PTPRD: variants seen among roughly 807,000 people sequenced by gnomAD.
PTPRD encodes protein tyrosine phosphatase receptor type D.
In PTPRD, 34 loss-of-function variants were observed where a neutral mutation model predicts 214.5. The ratio of observed to expected loss-of-function variants is 0.16; its 90% CI spans 0.12 to 0.21. The LOEUF is 0.21. Ranked by LOEUF, PTPRD falls within the 10% of genes least tolerant of loss-of-function variation. The pLI, the probability that PTPRD is intolerant of heterozygous loss-of-function variation, is 1.00. For missense variants in PTPRD, 2,545 were observed against 2,398.7 expected, an observed-to-expected ratio of 1.06 and a Z score of -1.27; for synonymous variants, 1,128 against 845.7, an observed-to-expected ratio of 1.33 and a Z score of -5.79.
At position 8,788,273 on chromosome 9, in the gene PTPRD, T is replaced by G. The variant is rs533713481; in HGVS notation, c.-103-54327A>C. On this transcript the variant is annotated intron_variant, in intron 11 of 45. Transcript: ENST00000381196. The stretch of plus-strand genomic sequence containing the variant: ...AGATGATTTTTTTTTTTTTTTTTTT[T>G]TTTTTGTGTGTGTGTGTGTGAGATG... Among the ~76,000 whole-genome samples, 78 of 117,530 alleles carry G rather than the reference T, an allele frequency of 6.6e-4. No individual in the cohort carries two copies. The South Asian group carries it at 9.5e-3, about 14-fold the overall frequency. The allele number at this position is 117,530 out of a possible 152,430, so 77.1% of individuals were successfully genotyped here.
chr9:8,952,386 C>T (rs2099107064), intron 11 of PTPRD, among the ~76,000 whole-genome samples: 1 of 151,942 alleles, frequency 6.6e-6, no homozygotes, highest in Non-Finnish European at 1.5e-5. Flanking sequence ...AAGGAATGCA[C>T]AGGGCAATTT....
intron 11 of PTPRD, among the ~76,000 whole-genome samples, chr9:8,984,148 A>G (rs967425877): frequency 6.6e-6 from 1 of 152,166 alleles, no homozygotes; most frequent in Admixed American, 6.6e-5. Flanking sequence ...CATCATAAAA[A>G]CAATACAAAG....
intron 10 of PTPRD, among the ~76,000 whole-genome samples, chr9:9,101,101 C>G (rs991114438): frequency 1.2e-4 from 18 of 150,382 alleles, no homozygotes; most frequent in Non-Finnish European, 2.5e-4. Context: ...CAATGTAAAA[C>G]AGAGAGAGAG....
intron 7 of PTPRD, among the ~76,000 whole-genome samples, chr9:9,598,107 T>TC (rs1421972665): frequency 1.3e-5 from 2 of 151,870 alleles, no homozygotes; most frequent in African/African-American, 4.8e-5. Context: ...ACTACTACTA[T>TC]CCCCAACACT....
intron 14 of PTPRD, among the ~76,000 whole-genome samples, chr9:8,590,404 G>C (rs911233273): frequency 6.6e-6 from 1 of 152,136 alleles, no homozygotes; most frequent in South Asian, 2.1e-4. Flanking sequence ...TAAAATTCAA[G>C]TGTGCAGAAG....
intron 10 of PTPRD, among the ~76,000 whole-genome samples, chr9:9,139,092 G>A (rs2099855828): frequency 6.6e-6 from 1 of 151,562 alleles, no homozygotes; most frequent in South Asian, 2.1e-4. Flanking sequence ...CTATGCAGGA[G>A]CCCCCCTCCC....
At chr9:9,721,041 C>T (rs1019221588) in intron 7 of PTPRD, among the ~76,000 whole-genome samples, 3 of 152,028 alleles carry the variant, frequency 2.0e-5, no homozygotes, top group Non-Finnish European at 4.4e-5. Flanking sequence ...GGGTACGAGG[C>T]TTAGTACCTA....
At chr9:9,469,005 C>A (rs528374714) in intron 8 of PTPRD, among the ~76,000 whole-genome samples, 1 of 152,162 alleles carries the variant, frequency 6.6e-6, no homozygotes, top group South Asian at 2.1e-4. Flanking sequence ...TTATATGTGA[C>A]TTTAGCATCA....
intron 9 of PTPRD, among the ~76,000 whole-genome samples, chr9:9,231,729 T>C (rs937222122): frequency 6.3e-4 from 96 of 152,128 alleles, no homozygotes; most frequent in Admixed American, 6.2e-3. Context: ...AAATGCTTCC[T>C]TTTTCTTTTT....
chr9:8,523,819 T>G (rs1318204912), intron 18 of PTPRD, among the ~76,000 whole-genome samples: 1 of 152,132 alleles, frequency 6.6e-6, no homozygotes, highest in Non-Finnish European at 1.5e-5. Flanking sequence ...CAAGGGACTT[T>G]CGAAGAATTT....
At chr9:8,604,193 G>A (rs2095058281) in intron 14 of PTPRD, among the ~76,000 whole-genome samples, 2 of 152,182 alleles carry the variant, frequency 1.3e-5, no homozygotes, top group South Asian at 4.1e-4. Context: ...AGGAGAGGAG[G>A]GGAGACCCAT....
chr9:10,187,717 G>T (rs1265468188), intron 3 of PTPRD, among the ~76,000 whole-genome samples: 3 of 152,216 alleles, frequency 2.0e-5, no homozygotes, highest in African/African-American at 4.8e-5. Flanking sequence ...GCTTTAGAAA[G>T]ATGCTCCTCT....
chr9:8,341,385 G>C, intron 40 of PTPRD, 117 bp from the exon 41 acceptor site: 1 of 1,100,336 alleles, frequency 9.1e-7, no homozygotes, highest in Non-Finnish European at 1.3e-6. Flanking sequence ...TTTACTTAAA[G>C]TAAATGACTA....
intron 2 of PTPRD, among the ~76,000 whole-genome samples, chr9:10,610,213 T>C (rs918774360): frequency 3.3e-5 from 5 of 152,126 alleles, no homozygotes; most frequent in Non-Finnish European, 7.4e-5. Context: ...TTATCTGTTA[T>C]TATATAGAGA....
chr9:8,719,548 G>C (rs2098470158), intron 12 of PTPRD, among the ~76,000 whole-genome samples: 3 of 152,144 alleles, frequency 2.0e-5, no homozygotes, highest in Non-Finnish European at 4.4e-5. Flanking sequence ...TCAAAAGCAG[G>C]AGTGATCAAA....
chr9:9,386,404 C>A (rs1169380623), intron 9 of PTPRD, among the ~76,000 whole-genome samples: 1 of 152,054 alleles, frequency 6.6e-6, no homozygotes, highest in Admixed American at 6.5e-5. Flanking sequence ...AGAGAAGACT[C>A]CAGCAAATAA....
At chr9:9,491,345 G>C (rs1038073479) in intron 8 of PTPRD, among the ~76,000 whole-genome samples, 2 of 151,928 alleles carry the variant, frequency 1.3e-5, no homozygotes, top group Admixed American at 6.6e-5. Flanking sequence ...TACGATAATA[G>C]TTGGGGACTT....
intron 10 of PTPRD, among the ~76,000 whole-genome samples, chr9:9,108,561 A>G (rs1490277320): frequency 6.6e-6 from 1 of 152,164 alleles, no homozygotes; most frequent in East Asian, 1.9e-4. Context: ...GGCTGCTTTT[A>G]TCTTGGGCTT....
intron 2 of PTPRD, among the ~76,000 whole-genome samples, chr9:10,582,401 A>C (rs147987515): frequency 7.4e-4 from 113 of 152,328 alleles, no homozygotes; most frequent in African/African-American, 2.6e-3. Flanking sequence ...AGTTATGCTA[A>C]TATCAATTTA....
Sources: allele counts gnomAD v4.1 joint callset (sites outside exome capture counted in the v4.1 genomes callset), GRCh38; gene constraint gnomAD v4.1.1; transcripts MANE v1.5; gene names NCBI Gene and HGNC (gene_info 2026-07-23, HGNC 2026-07-21).